Variants in CNBD1 observed in about 807,000 individuals in gnomAD.
CNBD1 encodes cyclic nucleotide binding domain containing 1.
In CNBD1, 71 loss-of-function variants were observed where a neutral mutation model predicts 54.4. That is an observed-to-expected ratio of 1.30 (90% CI 1.08 to 1.59). The LOEUF (loss-of-function observed/expected upper bound fraction) is 1.59. Ranked by LOEUF, CNBD1 falls within the 40% of genes most tolerant of loss-of-function variation. CNBD1 has a pLI of 0.00. For missense variants in CNBD1, 659 were observed against 518.0 expected, an observed-to-expected ratio of 1.27 and a Z score of -2.64; for synonymous variants, 182 against 170.7, an observed-to-expected ratio of 1.07 and a Z score of -0.51.
intron 2 of CNBD1, among the ~76,000 whole-genome samples, chr8:86,895,967 A>G (rs187183136): frequency 5.4e-4 from 82 of 152,052 alleles, no homozygotes; most frequent in African/African-American, 1.9e-3. Flanking sequence ...TTGGTTTTCT[A>G]TTGAGTTGTA....
intron 4 of CNBD1, among the ~76,000 whole-genome samples, chr8:87,075,935 C>T (rs887738158): frequency 3.3e-5 from 5 of 152,148 alleles, no homozygotes; most frequent in Admixed American, 6.5e-5. Flanking sequence ...TAATAGCTCT[C>T]TGAGTGAGAG....
chr8:86,987,442 G>A (rs1261456569), intron 4 of CNBD1, among the ~76,000 whole-genome samples: 2 of 152,088 alleles, frequency 1.3e-5, no homozygotes, highest in Admixed American at 1.3e-4. Flanking sequence ...GAATCATAAT[G>A]TCAATAAAGA....
At chr8:87,336,198 G>T (rs527299637) in intron 8 of CNBD1, among the ~76,000 whole-genome samples, 2 of 152,054 alleles carry the variant, frequency 1.3e-5, no homozygotes, top group Non-Finnish European at 2.9e-5. Context: ...CTCATGGAGT[G>T]TCTTAGTGGA....
At chr8:86,991,092 T>C (rs1808736378) in intron 4 of CNBD1, among the ~76,000 whole-genome samples, 1 of 152,138 alleles carries the variant, frequency 6.6e-6, no homozygotes, top group Non-Finnish European at 1.5e-5. Context: ...AGTCTTTAGG[T>C]GTTTCCAAAT....
intron 4 of CNBD1, among the ~76,000 whole-genome samples, chr8:87,188,045 C>T (rs1813517326): frequency 6.6e-6 from 1 of 152,190 alleles, no homozygotes; most frequent in African/African-American, 2.4e-5. Context: ...TCCAACCACA[C>T]TGAACTTTCA....
At chr8:87,329,458 T>C (rs997938094) in intron 8 of CNBD1, among the ~76,000 whole-genome samples, 2 of 152,162 alleles carry the variant, frequency 1.3e-5, no homozygotes, top group Non-Finnish European at 2.9e-5. Flanking sequence ...GGAATTTTAA[T>C]TGATATTGCA....
At chr8:87,314,781 A>T (rs1809345596) in intron 8 of CNBD1, among the ~76,000 whole-genome samples, 1 of 152,054 alleles carries the variant, frequency 6.6e-6, no homozygotes, top group Non-Finnish European at 1.5e-5. Flanking sequence ...CATATATGAT[A>T]GCACCCCAAA....
chr8:87,360,017 A>G (rs541596005), intron 10 of CNBD1, among the ~76,000 whole-genome samples: 12 of 152,134 alleles, frequency 7.9e-5, no homozygotes, highest in Non-Finnish European at 1.5e-4. Context: ...GAAAAAATAA[A>G]TTAATGCTTA....
rs528668671 is a variant in CNBD1 at position 87,310,152 on chromosome 8, T to C, written c.1042+23481T>C. Among the ~76,000 whole-genome samples the C allele has an allele frequency of 2.6e-5, 4 of 152,098 alleles. No homozygotes were observed. In the East Asian group the frequency reaches 7.8e-4, roughly 30 times the overall value. On this transcript the variant is annotated intron_variant, in intron 8 of 10. Transcript: ENST00000518476. ...AGAGGATCACTTGAGCCCAGGAGTG[T>C]ATGACCAGTCCTGGCAACATAGTGA...
intron 4 of CNBD1, among the ~76,000 whole-genome samples, chr8:87,035,233 T>A (rs1411369457): frequency 6.6e-6 from 1 of 152,198 alleles, no homozygotes; most frequent in Non-Finnish European, 1.5e-5. Context: ...TACATGTGTA[T>A]ATTGTGTAAT....
intron 4 of CNBD1, among the ~76,000 whole-genome samples, chr8:87,148,228 T>G (rs1465098122): frequency 6.6e-6 from 1 of 152,206 alleles, no homozygotes; most frequent in Non-Finnish European, 1.5e-5. Context: ...TATTCTCTTT[T>G]TCTGTTTCCT....
At position 86,979,350 on chromosome 8, in the gene CNBD1, G is replaced by T. The variant is rs1437953996; in HGVS notation, c.431+39596G>T. On this transcript the variant is annotated intron_variant, in intron 4 of 10. Transcript: ENST00000518476. Reference sequence around the variant, plus strand: ...GGAGGCCAAAATTGGCAGATCACTTGAGCCCAAGAGTTTGAGACCAGTCTG... The same window carrying T: ...GGAGGCCAAAATTGGCAGATCACTTTAGCCCAAGAGTTTGAGACCAGTCTG... Among the ~76,000 whole-genome samples the T allele has an allele frequency of 3.0e-5, 4 of 133,348 alleles. No individual in the cohort carries two copies. In the East Asian group the frequency reaches 9.1e-4, roughly 30 times the overall value. 87.5% of individuals were successfully genotyped at this position (133,348 alleles called of 152,430 possible).
At chr8:86,943,245 G>A (rs1169568657) in intron 4 of CNBD1, among the ~76,000 whole-genome samples, 5 of 151,422 alleles carry the variant, frequency 3.3e-5, no homozygotes, top group Admixed American at 3.3e-4. Flanking sequence ...GCTGGGTGTG[G>A]TGGCATGTGC....
intron 3 of CNBD1, among the ~76,000 whole-genome samples, chr8:86,932,212 G>A (rs1301795961): frequency 2.0e-5 from 3 of 152,182 alleles, no homozygotes; most frequent in East Asian, 1.9e-4. Context: ...CCTAGACCCT[G>A]TAGGACATCT....
chr8:87,384,026 A>T (rs1034206907), downstream of CNBD1, among the ~76,000 whole-genome samples: 3 of 151,872 alleles, frequency 2.0e-5, no homozygotes, highest in Non-Finnish European at 4.4e-5. Flanking sequence ...ATAAGATTTT[A>T]AAAAGGCTCA....
chr8:87,336,067 T>C (rs1314381825), intron 8 of CNBD1, among the ~76,000 whole-genome samples: 1 of 152,212 alleles, frequency 6.6e-6, no homozygotes, highest in African/African-American at 2.4e-5. Flanking sequence ...AGAGATCCAC[T>C]ATCAGTCTGA....
intron 8 of CNBD1, among the ~76,000 whole-genome samples, chr8:87,296,329 G>A (rs114512938): frequency 4.6e-5 from 7 of 152,082 alleles, no homozygotes; most frequent in East Asian, 1.9e-4. Flanking sequence ...CTTCACATTC[G>A]GAGGGATAAA....
intron 8 of CNBD1, among the ~76,000 whole-genome samples, chr8:87,326,677 G>T (rs1290705893): frequency 2.0e-5 from 2 of 102,172 alleles, no homozygotes; most frequent in Non-Finnish European, 4.3e-5. Context: ...GCACTTCTCT[G>T]TATTGGTTAT....
chr8:87,249,943 G>A (rs943389251), intron 6 of CNBD1, among the ~76,000 whole-genome samples: 4 of 152,030 alleles, frequency 2.6e-5, no homozygotes, highest in African/African-American at 9.7e-5. Context: ...TACCCCAAAA[G>A]CACAGGCAAC....
Sources: gnomAD v4.1 joint callset for allele counts (sites outside exome capture counted in the v4.1 genomes callset) on GRCh38, gnomAD v4.1.1 for gene constraint, MANE v1.5 for transcripts, NCBI Gene and HGNC (gene_info 2026-07-23, HGNC 2026-07-21) for gene names.